Variants in FAM156A observed in about 807,000 individuals in gnomAD.
FAM156A encodes the protein family with sequence similarity 156 member A.
At chrX:52,990,831 G>GAAAAGAA (rs1264206187) in intron 1 of FAM156A, among the ~76,000 whole-genome samples, 2 of 107,955 alleles carry the variant, frequency 1.9e-5, no homozygotes, top group Admixed American at 2.0e-4. Context: ...GAAAAGAAAA[G>GAAAAGAA]AAAAGAAAAG....
intron 1 of FAM156A, among the ~76,000 whole-genome samples, chrX:52,994,381 A>G (rs1556796231): frequency 9.1e-6 from 1 of 109,968 alleles, no homozygotes; most frequent in Non-Finnish European, 1.9e-5. Flanking sequence ...CCACTCAGAC[A>G]CCTCCCAACC....
At chrX:52,989,333 C>G (rs1323640842) in intron 1 of FAM156A, among the ~76,000 whole-genome samples, 1 of 112,197 alleles carries the variant, frequency 8.9e-6, no homozygotes, top group East Asian at 2.8e-4. Flanking sequence ...CTGAGCACTT[C>G]CAGGAAGGCA....
At chrX:52,986,121 T>C (rs1167123609) in intron 1 of FAM156A, among the ~76,000 whole-genome samples, 1 of 110,297 alleles carries the variant, frequency 9.1e-6, no homozygotes, top group East Asian at 2.8e-4. Flanking sequence ...TTTATAATCC[T>C]TTGGGTATAT....
intron 1 of FAM156A, among the ~76,000 whole-genome samples, chrX:52,973,847 A>G (rs1430957747): frequency 9.0e-6 from 1 of 110,671 alleles, no homozygotes; most frequent in Non-Finnish European, 1.9e-5. Context: ...GTGTTTTAGT[A>G]GAGACGGGGT....
intron 1 of FAM156A, among the ~76,000 whole-genome samples, chrX:52,982,490 C>T (rs1929983699): frequency 9.0e-6 from 1 of 110,977 alleles, no homozygotes; most frequent in African/African-American, 3.3e-5. Context: ...AAAAGAAAGT[C>T]AATTAATGTA....
At chrX:52,976,830 T>C (rs1248850638) in intron 1 of FAM156A, among the ~76,000 whole-genome samples, 1 of 110,428 alleles carries the variant, frequency 9.1e-6, no homozygotes, top group Non-Finnish European at 1.9e-5. Context: ...AATATGACTA[T>C]ATTTTTACAT....
chrX:52,976,535 T>C (rs1161044431), intron 1 of FAM156A, among the ~76,000 whole-genome samples: 1 of 112,290 alleles, frequency 8.9e-6, no homozygotes, highest in East Asian at 2.8e-4. Context: ...TTCAAAATGA[T>C]TGAGTTTCCC....
At chrX:52,981,331 A>C (rs1239063917) in intron 1 of FAM156A, among the ~76,000 whole-genome samples, 1 of 111,596 alleles carries the variant, frequency 9.0e-6, no homozygotes, top group African/African-American at 3.3e-5. Flanking sequence ...GCTCAGCACC[A>C]ATCTGGACAG....
intron 1 of FAM156A, among the ~76,000 whole-genome samples, chrX:52,975,777 C>T (rs1286384780): frequency 8.9e-6 from 1 of 112,350 alleles, no homozygotes; most frequent in African/African-American, 3.2e-5. Context: ...CCAGCAGCAG[C>T]GCCTTGCCAG....
At chrX:52,977,784 G>A (rs1308151065) in intron 1 of FAM156A, among the ~76,000 whole-genome samples, 1 of 111,443 alleles carries the variant, frequency 9.0e-6, no homozygotes, top group Non-Finnish European at 1.9e-5. Flanking sequence ...TACAACAGAC[G>A]AGGTGAATAC....
intron 1 of FAM156A, among the ~76,000 whole-genome samples, chrX:52,978,132 C>T (rs1929619939): frequency 9.0e-6 from 1 of 111,491 alleles, no homozygotes; most frequent in Non-Finnish European, 1.9e-5. Context: ...TCCAGCATTG[C>T]ATTTAGGCTC....
intron 1 of FAM156A, among the ~76,000 whole-genome samples, chrX:52,977,039 C>CAT (rs1211248476): frequency 1.9e-5 from 2 of 105,448 alleles, no homozygotes; most frequent in South Asian, 4.2e-4. Context: ...TACACACACA[C>CAT]ATATATATAT....
chrX:52,993,250 G>A (rs1191460254), intron 1 of FAM156A, among the ~76,000 whole-genome samples: 1 of 110,235 alleles, frequency 9.1e-6, no homozygotes, highest in Non-Finnish European at 1.9e-5. Flanking sequence ...TGTTCCTTCT[G>A]CCTGGAATGC....
intron 1 of FAM156A, among the ~76,000 whole-genome samples, chrX:52,973,287 A>C (rs1304450291): frequency 9.1e-6 from 1 of 109,702 alleles, no homozygotes; most frequent in African/African-American, 3.3e-5. Context: ...GAAAATAACT[A>C]CAGCAACAAC....
At chrX:52,983,505 A>C (rs1930050128) in intron 1 of FAM156A, among the ~76,000 whole-genome samples, 1 of 112,321 alleles carries the variant, frequency 8.9e-6, no homozygotes, top group Non-Finnish European at 1.9e-5. Context: ...GCAGCAGCAA[A>C]GCTGAAGAAA....
chrX:52,982,987 G>A (rs1048902480), intron 1 of FAM156A, among the ~76,000 whole-genome samples: 2 of 112,882 alleles, frequency 1.8e-5, no homozygotes, highest in Non-Finnish European at 3.7e-5. Flanking sequence ...GGAGCTGAGG[G>A]CTTTGGCCCT....
rs1156303085 is a variant in FAM156A at position 52,980,782 on chromosome X, CTGTGTGTGTGTGTGTGTGTGTG to C, written c.-434+14502_-434+14523del. Reference sequence around the variant, plus strand: ...AAGCAGCCTTTTGGTTAGGGTTCCTCTGTGTGTGTGTGTGTGTGTGTGTGTGTGTGTGTGTGTGTGTGTGTGT... The same window carrying C: ...AAGCAGCCTTTTGGTTAGGGTTCCTCTGTGTGTGTGTGTGTGTGTGTGTGT... On this transcript the variant is annotated intron_variant, in intron 1 of 4. Transcript: ENST00000610625. 3.4e-3 allele frequency among the ~76,000 whole-genome samples: 132 copies of C among 38,451 alleles called. 3 individuals are homozygous for C. The highest frequency in any genetic ancestry group is 0.02 in the South Asian group (10 of 508). The allele number at this position is 38,451 out of a possible 115,157, so 33.4% of individuals were successfully genotyped here. A position where few individuals can be genotyped will look rare whatever the true frequency, so the allele number is the denominator to read the frequency against.
At chrX:52,974,154 A>G (rs782642401) in intron 1 of FAM156A, among the ~76,000 whole-genome samples, 10 of 111,866 alleles carry the variant, frequency 8.9e-5, no homozygotes, top group Non-Finnish European at 1.3e-4. Flanking sequence ...AAGAAAATTG[A>G]CTGTCAAATA....
In FAM156A at chrX:52,975,844, G is replaced by C. The variant is rs376474929; in HGVS notation, c.-433-11609C>G. The stretch of plus-strand genomic sequence containing the variant: ...CCGAAGGAGAGGAAAGGTCTAAGGA[G>C]ACGTCATAAAGATCTCCATCTCGAT... On this transcript the variant is annotated intron_variant, in intron 1 of 4. Coordinates refer to the FAM156A transcript ENST00000610625. Among the ~76,000 whole-genome samples the C allele has an allele frequency of 7.1e-5, 8 of 112,103 alleles. No individual in the cohort carries two copies. The East Asian group carries it at 1.4e-3, about 20-fold the overall frequency.
Sources: allele counts gnomAD v4.1 joint callset (sites outside exome capture counted in the v4.1 genomes callset), GRCh38; gene constraint gnomAD v4.1.1; transcripts MANE v1.5; gene names NCBI Gene and HGNC (gene_info 2026-07-23, HGNC 2026-07-21).